HS3ST3B1: variants seen among roughly 807,000 people sequenced by gnomAD.
HS3ST3B1 encodes heparan sulfate-glucosamine 3-sulfotransferase 3B1.
Under a neutral mutation model 21.3 loss-of-function variants are expected in HS3ST3B1, and 13 were observed. The ratio of observed to expected loss-of-function variants is 0.61; its 90% confidence interval spans 0.40 to 0.97. HS3ST3B1 has a LOEUF of 0.97. Among genes scored for constraint, HS3ST3B1 ranks in the 50% least tolerant of loss-of-function variants. The probability of loss-of-function intolerance (pLI) is 0.00; values close to 1 mark genes in which losing one functional copy is unlikely to be tolerated. For synonymous variants in HS3ST3B1, 234 were observed against 254.8 expected (o/e 0.92, Z 0.78); for missense variants, 459 against 554.8 (o/e 0.83, Z 1.73).
chr17:14,322,540 T>A (rs933169209), intron 1 of HS3ST3B1, among the ~76,000 whole-genome samples: 2 of 152,178 alleles, frequency 1.3e-5, no homozygotes, highest in South Asian at 4.1e-4. Context: ...CTTTGAGTAT[T>A]GGACTGGTAT....
At position 14,309,948 on chromosome 17, in the gene HS3ST3B1, A is replaced by G. The variant is rs551758273; in HGVS notation, c.554+7876A>G. Among the ~76,000 whole-genome samples the G allele has an allele frequency of 5.7e-4, 87 of 152,232 alleles. 1 individual carries two copies. The highest frequency in any genetic ancestry group is 2.0e-3 in the African/African-American group (82 of 41,522). ...GCAAGAAAGTGAATTCAGTTGAGTC[A>G]ATTTGCAACGAGCACGTTTCGTTTC... On this transcript the variant is annotated intron_variant, in intron 1 of 1. Coordinates refer to ENST00000360954, the MANE Select transcript of HS3ST3B1 (RefSeq NM_006041.3).
At position 14,348,274 on chromosome 17, in the gene HS3ST3B1, G is replaced by A. The variant is rs947958719; in HGVS notation, c.*2628G>A. On this transcript the variant is annotated 3_prime_UTR_variant, in exon 2 of 2. Coordinates refer to ENST00000360954, the MANE Select transcript of HS3ST3B1 (RefSeq NM_006041.3). ...CAGGAAATTTTCTGGTAGAAGGAGG[G>A]TCATTTAGTCACGAACACTGAAGTG... 25 of 152,300 alleles carry A rather than the reference G, an allele frequency of 1.6e-4. No homozygotes were observed. Among genetic ancestry groups the A allele is most frequent in the African/African-American group, 5.5e-4 (23 of 41,568 alleles). The allele number at this position is 152,300 out of a possible 1,614,324, so 9.4% of individuals were successfully genotyped here.
Position 14,347,725 on chromosome 17 carries a change from C to T in HS3ST3B1, c.*2079C>T, listed in dbSNP as rs1910619540. 6.6e-6 allele frequency: 1 copy of T among 152,190 alleles called. No individual in the cohort carries two copies. The highest frequency in any genetic ancestry group is 1.5e-5 in the Non-Finnish European group (1 of 68,044). The allele number at this position is 152,190 out of a possible 1,614,324, so 9.4% of individuals were successfully genotyped here. A position where few individuals can be genotyped will look rare whatever the true frequency, so the allele number is the denominator to read the frequency against. On this transcript the variant is annotated 3_prime_UTR_variant, in exon 2 of 2. Coordinates refer to ENST00000360954, the MANE Select transcript of HS3ST3B1 (RefSeq NM_006041.3). ...AGCTAGCTTACACTTAGCAGCCAAACCATCATTGTGTAGGTTCTGTTTTGG... is the reference window on the plus strand; with the variant it reads ...AGCTAGCTTACACTTAGCAGCCAAATCATCATTGTGTAGGTTCTGTTTTGG...
intron 1 of HS3ST3B1, among the ~76,000 whole-genome samples, chr17:14,305,720 G>C (rs1224417580): frequency 1.3e-5 from 2 of 152,066 alleles, no homozygotes; most frequent in East Asian, 3.9e-4. Flanking sequence ...TAATGCTGTG[G>C]CCCACATTAA....
At chr17:14,319,213 G>A (rs115672163) in intron 1 of HS3ST3B1, among the ~76,000 whole-genome samples, 67 of 152,322 alleles carry the variant, frequency 4.4e-4, no homozygotes, top group African/African-American at 1.4e-3. Context: ...CATTCCCTCC[G>A]TAAACAGTTT....
intron 1 of HS3ST3B1, chr17:14,304,800 T>G (rs1421714100): frequency 1.3e-5 from 2 of 151,612 alleles, no homozygotes; most frequent in African/African-American, 4.9e-5. Context: ...AATATGAGAG[T>G]GGGGAGACAT....
chr17:14,302,143 T>G, intron 1 of HS3ST3B1, 71 bp downstream of exon 1: 1 of 1,486,210 alleles, frequency 6.7e-7, no homozygotes, highest in Non-Finnish European at 9.0e-7. Context: ...ACATGGCGTA[T>G]GATAGGGAAT....
chr17:14,341,532 T>G (rs1437392679), intron 1 of HS3ST3B1, among the ~76,000 whole-genome samples: 1 of 149,080 alleles, frequency 6.7e-6, no homozygotes, highest in Non-Finnish European at 1.5e-5. Flanking sequence ...GACATCATCT[T>G]TTTTTTTTTT....
At chr17:14,306,651 G>T (rs867908546) in intron 1 of HS3ST3B1, among the ~76,000 whole-genome samples, 1 of 152,098 alleles carries the variant, frequency 6.6e-6, no homozygotes, top group African/African-American at 2.4e-5. Flanking sequence ...AAACAAAATT[G>T]CCTCCTATTT....
chr17:14,335,201 G>T (rs1245027450), intron 1 of HS3ST3B1, among the ~76,000 whole-genome samples: 2 of 152,106 alleles, frequency 1.3e-5, no homozygotes, highest in Non-Finnish European at 2.9e-5. Context: ...GCCCAGAAAA[G>T]CTGAAGCTCT....
At chr17:14,330,076 C>G (rs557089465) in intron 1 of HS3ST3B1, among the ~76,000 whole-genome samples, 12 of 152,370 alleles carry the variant, frequency 7.9e-5, no homozygotes, top group East Asian at 7.7e-4. Flanking sequence ...TGAGGCCACA[C>G]AGCCTGACCT....
intron 1 of HS3ST3B1, among the ~76,000 whole-genome samples, chr17:14,320,983 G>T (rs1909642659): frequency 6.6e-6 from 1 of 152,196 alleles, no homozygotes; most frequent in South Asian, 2.1e-4. Context: ...CATTTGCAGG[G>T]ACGGTGGGAT....
intron 1 of HS3ST3B1, among the ~76,000 whole-genome samples, chr17:14,335,092 T>C (rs537085499): frequency 3.3e-5 from 5 of 152,332 alleles, no homozygotes; most frequent in African/African-American, 9.6e-5. Context: ...TCCCGTGCTC[T>C]TGGGATTGGT....
chr17:14,309,121 G>T (rs140268677), intron 1 of HS3ST3B1, among the ~76,000 whole-genome samples: 8 of 152,238 alleles, frequency 5.3e-5, no homozygotes, highest in Non-Finnish European at 1.0e-4. Context: ...GAGCTAGGGG[G>T]GCGTTGGCTT....
intron 1 of HS3ST3B1, among the ~76,000 whole-genome samples, chr17:14,338,672 A>C (rs372405607): frequency 6.7e-6 from 1 of 148,862 alleles, no homozygotes; most frequent in South Asian, 2.1e-4. Context: ...CGAACTCCTG[A>C]CCTCAGGTGA....
chr17:14,343,241 C>CAA (rs538774953), intron 1 of HS3ST3B1, among the ~76,000 whole-genome samples: 20 of 115,016 alleles, frequency 1.7e-4, no homozygotes, highest in Admixed American at 2.8e-4. Context: ...GACTCTGTCT[C>CAA]AAAAAAAAAA....
chr17:14,309,068 G>A (rs1345187243), intron 1 of HS3ST3B1, among the ~76,000 whole-genome samples: 1 of 152,246 alleles, frequency 6.6e-6, no homozygotes, highest in Admixed American at 6.5e-5. Context: ...GTCCAGCAGG[G>A]CCCCAGCTGC....
intron 1 of HS3ST3B1, chr17:14,304,253 C>T (rs1047532515): frequency 3.9e-5 from 6 of 152,206 alleles, no homozygotes; most frequent in African/African-American, 1.4e-4. Context: ...AAGCAGGACT[C>T]CCGGGTCCAG....
intron 1 of HS3ST3B1, among the ~76,000 whole-genome samples, chr17:14,322,798 G>A (rs549614534): frequency 6.6e-6 from 1 of 152,100 alleles, no homozygotes; most frequent in East Asian, 1.9e-4. Context: ...CGTGGCTGGT[G>A]GACAGCTGCT....
Sources: gnomAD v4.1 joint callset for allele counts (sites outside exome capture counted in the v4.1 genomes callset) on GRCh38, gnomAD v4.1.1 for gene constraint, MANE v1.5 for transcripts, NCBI Gene and HGNC (gene_info 2026-07-23, HGNC 2026-07-21) for gene names.